The following TRPM3 variants were observed in gnomAD, a reference collection of about 807,000 sequenced individuals.
TRPM3 encodes long transient receptor potential channel 3.
A neutral mutation model predicts 181.2 loss-of-function variants in TRPM3; 77 were observed. The observed-to-expected ratio is 0.42, with a 90% CI of 0.35 to 0.51. TRPM3 has a LOEUF of 0.51. TRPM3 is among the 20% of genes least tolerant of loss of function. TRPM3 has a pLI of 0.01. For missense variants in TRPM3, 1,759 were observed against 2,196.7 expected, an observed-to-expected ratio of 0.80 and a Z score of 3.98; for synonymous variants, 745 against 796.4, an observed-to-expected ratio of 0.94 and a Z score of 1.09.
intron 1 of TRPM3, among the ~76,000 whole-genome samples, chr9:71,357,578 C>T (rs577657482): frequency 6.6e-6 from 1 of 152,166 alleles, no homozygotes; most frequent in South Asian, 2.1e-4. Flanking sequence ...CATGCATTTT[C>T]CAGATGTTTT....
At chr9:70,835,906 A>G (rs2094289827) in intron 5 of TRPM3, among the ~76,000 whole-genome samples, 1 of 152,126 alleles carries the variant, frequency 6.6e-6, no homozygotes, top group Admixed American at 6.6e-5. Flanking sequence ...AACATCCATC[A>G]CCAGTTATAG....
intron 1 of TRPM3, among the ~76,000 whole-genome samples, chr9:71,054,625 G>T (rs1355517504): frequency 6.6e-6 from 1 of 152,034 alleles, no homozygotes; most frequent in Admixed American, 6.6e-5. Flanking sequence ...TTGACTGAAG[G>T]CTAAAACCAC....
chr9:71,430,826 C>T (rs1238433600), intron 1 of TRPM3, among the ~76,000 whole-genome samples: 2 of 152,008 alleles, frequency 1.3e-5, no homozygotes, highest in African/African-American at 4.8e-5. Context: ...AAAAAGAATG[C>T]TTGTGAAAGG....
intron 1 of TRPM3, among the ~76,000 whole-genome samples, chr9:71,149,215 C>A (rs1390588675): frequency 6.6e-6 from 1 of 152,032 alleles, no homozygotes; most frequent in Non-Finnish European, 1.5e-5. Flanking sequence ...GCCTAAGCAA[C>A]ATAGGGAGAT....
chr9:70,852,011 T>C (rs1417944327), intron 3 of TRPM3, among the ~76,000 whole-genome samples: 2 of 149,318 alleles, frequency 1.3e-5, no homozygotes, highest in East Asian at 3.9e-4. Context: ...CCTAGCTACT[T>C]GGGAGGCTGA....
At chr9:70,765,864 A>G (rs4745037) in intron 7 of TRPM3, among the ~76,000 whole-genome samples, 23,203 of 152,186 alleles carry the variant, frequency 0.15, 2,356 homozygotes, top group East Asian at 0.39. Context: ...TAAAAATTAG[A>G]GATGAGCCTA....
chr9:70,592,852 C>A lies in TRPM3; in HGVS notation c.3049-1647G>T, dbSNP rs976770989. On this transcript the variant is annotated intron_variant, in intron 21 of 25. Transcript: ENST00000677713. ...TTTAAGCAATTGTCTGCCTCAGCCT[C>A]CTGAGTAGCTGGGATTTCAGGTGTG... is the stretch of plus-strand genomic sequence containing the variant. Among the ~76,000 whole-genome samples, 10 of 152,166 alleles carry A rather than the reference C, an allele frequency of 6.6e-5. No homozygotes were observed. In the South Asian group the frequency reaches 1.5e-3, roughly 22 times the overall value.
At chr9:71,307,419 T>C (rs1436171892) in intron 1 of TRPM3, among the ~76,000 whole-genome samples, 2 of 151,378 alleles carry the variant, frequency 1.3e-5, no homozygotes, top group Non-Finnish European at 2.9e-5. Context: ...TTCAATTTTC[T>C]TTTATTTTTT....
chr9:71,140,179 C>T (rs961751570), intron 1 of TRPM3, among the ~76,000 whole-genome samples: 1 of 152,038 alleles, frequency 6.6e-6, no homozygotes, highest in Non-Finnish European at 1.5e-5. Context: ...TAATCAAATG[C>T]CTTTATTATT....
chr9:71,305,247 G>A (rs1047787990), intron 1 of TRPM3, among the ~76,000 whole-genome samples: 52 of 152,202 alleles, frequency 3.4e-4, no homozygotes, highest in African/African-American at 1.2e-3. Context: ...AATACATTTG[G>A]AATGCTGTAA....
chr9:70,847,884 T>C (rs1306011638), intron 3 of TRPM3, among the ~76,000 whole-genome samples: 1 of 152,200 alleles, frequency 6.6e-6, no homozygotes, highest in Non-Finnish European at 1.5e-5. Flanking sequence ...TCCAGATAAC[T>C]GGTAGAAGTA....
chr9:70,839,662 G>T (rs931452450), intron 5 of TRPM3, among the ~76,000 whole-genome samples: 1 of 151,994 alleles, frequency 6.6e-6, no homozygotes, highest in Admixed American at 6.6e-5. Flanking sequence ...TTTATCCTTG[G>T]ATTTATTTCC....
chr9:70,938,975 T>A (rs1039441332), intron 1 of TRPM3, among the ~76,000 whole-genome samples: 73 of 150,330 alleles, frequency 4.9e-4, no homozygotes, highest in African/African-American at 1.1e-3. Flanking sequence ...AAAATAAAAA[T>A]AAAAAATAAA....
rs548470390 is a variant in TRPM3 at position 71,417,623 on chromosome 9, A to C, written c.183+29030T>G. On this transcript the variant is annotated intron_variant, in intron 1 of 24. Transcript: ENST00000357533. Reference sequence around the variant, plus strand: ...TAAATTAGTAAATAAAAATTCATCCAGAAAGAATTAATGGAAACATATCTG... The same window carrying C: ...TAAATTAGTAAATAAAAATTCATCCCGAAAGAATTAATGGAAACATATCTG... Among the ~76,000 whole-genome samples the C allele has an allele frequency of 3.6e-4, 55 of 152,188 alleles. No homozygotes were observed. The South Asian group carries it at 0.011, about 30-fold the overall frequency.
At chr9:70,805,533 CGAAAAAAAAA>C (rs2090479856) in intron 6 of TRPM3, among the ~76,000 whole-genome samples, 1 of 66,950 alleles carries the variant, frequency 1.5e-5, no homozygotes, top group Non-Finnish European at 2.7e-5. Context: ...GACTCCATCT[CGAAAAAAAAA>C]AAAAAAAAAA....
intron 1 of TRPM3, among the ~76,000 whole-genome samples, chr9:71,291,336 C>A (rs530629158): frequency 2.0e-5 from 3 of 152,134 alleles, no homozygotes; most frequent in Non-Finnish European, 4.4e-5. Flanking sequence ...AGGAAAGTAA[C>A]CTGATGTTAA....
chr9:71,051,795 T>A (rs915813719), intron 1 of TRPM3, among the ~76,000 whole-genome samples: 7 of 152,102 alleles, frequency 4.6e-5, no homozygotes, highest in African/African-American at 1.7e-4. Context: ...AGTGTTGAAG[T>A]CTGGCATGCC....
At chr9:71,124,306 GAA>G (rs80222499), upstream of TRPM3, among the ~76,000 whole-genome samples, 4 of 123,896 alleles carry the variant, frequency 3.2e-5, no homozygotes, top group Admixed American at 8.2e-5. Context: ...GGTCTAATGA[GAA>G]AAAAAAAAAA....
At chr9:71,423,282 T>C (rs74851760) in intron 1 of TRPM3, among the ~76,000 whole-genome samples, 2 of 152,034 alleles carry the variant, frequency 1.3e-5, no homozygotes, top group Non-Finnish European at 1.5e-5. Context: ...AGTTAGAAAT[T>C]CCTTAAATAA....
Sources: allele counts gnomAD v4.1 joint callset (sites outside exome capture counted in the v4.1 genomes callset), GRCh38; gene constraint gnomAD v4.1.1; transcripts MANE v1.5; gene names NCBI Gene and HGNC (gene_info 2026-07-23, HGNC 2026-07-21).